Variants in PXDNL observed in about 807,000 individuals in gnomAD.
The protein encoded by PXDNL is peroxidasin like.
A neutral mutation model predicts 150.8 loss-of-function variants in PXDNL; 145 were observed. The observed-to-expected ratio is 0.96, with a 90% CI of 0.84 to 1.10. PXDNL has a LOEUF of 1.10. Ranked by LOEUF, PXDNL falls within the 50% of genes least tolerant of loss-of-function variation. The probability of loss-of-function intolerance (pLI) is 0.00; values close to 1 mark genes in which losing one functional copy is unlikely to be tolerated. For synonymous variants in PXDNL, 757 were observed against 725.7 expected, an observed-to-expected ratio of 1.04 and a Z score of -0.69; for missense variants, 2,087 against 1,873.9, an observed-to-expected ratio of 1.11 and a Z score of -2.10.
At chr8:51,519,338 C>T (rs918561280) in intron 4 of PXDNL, among the ~76,000 whole-genome samples, 2 of 152,112 alleles carry the variant, frequency 1.3e-5, no homozygotes, top group Non-Finnish European at 2.9e-5. Context: ...GTCAGAAGTT[C>T]AAGACCAGCC....
At chr8:51,349,680 T>C (rs1305848550) in intron 19 of PXDNL, among the ~76,000 whole-genome samples, 3 of 152,174 alleles carry the variant, frequency 2.0e-5, no homozygotes, top group Non-Finnish European at 2.9e-5. Context: ...TTGCAGTTCA[T>C]TGGAGTGGAT....
chr8:51,499,467 G>A (rs1811136061), intron 5 of PXDNL, among the ~76,000 whole-genome samples: 1 of 152,136 alleles, frequency 6.6e-6, no homozygotes, highest in Non-Finnish European at 1.5e-5. Flanking sequence ...TCTCTCATTT[G>A]TGAAGTGCTT....
intron 7 of PXDNL, among the ~76,000 whole-genome samples, chr8:51,473,172 A>T (rs527863531): frequency 1.3e-5 from 2 of 152,032 alleles, no homozygotes; most frequent in African/African-American, 4.8e-5. Context: ...AACGTCAGTT[A>T]TGTGCCAGAC....
chr8:51,467,060 A>G (rs777971009), intron 8 of PXDNL, among the ~76,000 whole-genome samples: 13 of 152,152 alleles, frequency 8.5e-5, no homozygotes, highest in Non-Finnish European at 1.6e-4. Flanking sequence ...AGAAAAATAA[A>G]TCCTTCTACC....
intron 4 of PXDNL, among the ~76,000 whole-genome samples, chr8:51,540,227 G>C (rs747321020): frequency 2.0e-5 from 3 of 151,908 alleles, no homozygotes; most frequent in Non-Finnish European, 4.4e-5. Flanking sequence ...TCTCTCTATG[G>C]TTTAACTCTT....
At chr8:51,659,109 T>C (rs556024150) in intron 1 of PXDNL, among the ~76,000 whole-genome samples, 1 of 152,362 alleles carries the variant, frequency 6.6e-6, no homozygotes, top group South Asian at 2.1e-4. Flanking sequence ...ATTGTATTTT[T>C]ACTCCTTACA....
chr8:51,588,376 A>G (rs1315135240), intron 3 of PXDNL, among the ~76,000 whole-genome samples: 1 of 152,206 alleles, frequency 6.6e-6, no homozygotes. Flanking sequence ...TTCACCATGT[A>G]CTGCTTCACA....
intron 1 of PXDNL, among the ~76,000 whole-genome samples, chr8:51,807,960 G>A (rs921160762): frequency 4.6e-5 from 7 of 152,254 alleles, no homozygotes; most frequent in African/African-American, 1.7e-4. Flanking sequence ...AATAAGCAGT[G>A]CTCCCAAGTT....
intron 2 of PXDNL, among the ~76,000 whole-genome samples, chr8:51,650,368 C>T (rs971973622): frequency 6.6e-6 from 1 of 152,110 alleles, no homozygotes; most frequent in East Asian, 1.9e-4. Context: ...CCTATAGCCA[C>T]CCAAAACGTT....
At position 51,409,401 on chromosome 8, in the gene PXDNL, C is replaced by G. The variant is rs1227076791; in HGVS notation, c.2223G>C (p.Thr741=). ...DGTCNNLQQP[T]WGAALTAFAR... ...CGAAGGCGGTCAGCGCCGCGCCCCACGTGGGCTGCTGCAGGTTGTTGCACG... is the reference window on the plus strand; with the variant it reads ...CGAAGGCGGTCAGCGCCGCGCCCCAGGTGGGCTGCTGCAGGTTGTTGCACG... The change falls in exon 17 of 23, where the codon ACG becomes ACC. Residue 741 remains threonine, a synonymous_variant. Coordinates refer to ENST00000356297, the MANE Select transcript of PXDNL (RefSeq NM_144651.5). The G allele has an allele frequency of 4.3e-6, 7 of 1,609,942 alleles. No individual in the cohort carries two copies. Among genetic ancestry groups the G allele is most frequent in the East Asian group, 2.2e-5 (1 of 44,548 alleles).
chr8:51,387,082 C>A (rs1807740162), intron 17 of PXDNL, among the ~76,000 whole-genome samples: 1 of 152,168 alleles, frequency 6.6e-6, no homozygotes, highest in African/African-American at 2.4e-5. Flanking sequence ...CTAAGCTTAT[C>A]CTTCATTCAG....
At chr8:51,426,806 G>A in intron 12 of PXDNL, 48 bp from the exon 13 acceptor site, 2 of 1,088,606 alleles carry the variant, frequency 1.8e-6, no homozygotes, top group East Asian at 5.1e-5. Context: ...TATCATTTTT[G>A]TCAACATATG....
intron 1 of PXDNL, among the ~76,000 whole-genome samples, chr8:51,669,889 A>G (rs990998679): frequency 6.6e-6 from 1 of 152,230 alleles, no homozygotes; most frequent in African/African-American, 2.4e-5. Flanking sequence ...CCATCTTTTC[A>G]TATGTTCACT....
intron 4 of PXDNL, among the ~76,000 whole-genome samples, chr8:51,549,008 A>T (rs1261905842): frequency 1.3e-5 from 2 of 152,224 alleles, no homozygotes; most frequent in East Asian, 3.8e-4. Flanking sequence ...AATGGAAACC[A>T]AAAGCAAGCA....
Position 51,423,558 on chromosome 8 carries a change from G to T in PXDNL, c.1795+17C>A, listed in dbSNP as rs774046787. 1.1e-5 allele frequency: 18 copies of T among 1,609,508 alleles called. No individual in the cohort carries two copies. The South Asian group carries it at 1.9e-4, about 17-fold the overall frequency. On this transcript the variant is annotated intron_variant, in intron 14 of 22. Coordinates refer to ENST00000356297, the MANE Select transcript of PXDNL (RefSeq NM_144651.5). ...GACAGTTATTTGGATGTTGTAAATG[G>T]AGCTATAGACACCTACCCGTGACTG... is the stretch of plus-strand genomic sequence containing the variant.
chr8:51,534,139 C>T (rs1811990340), intron 4 of PXDNL, among the ~76,000 whole-genome samples: 1 of 144,154 alleles, frequency 6.9e-6, no homozygotes, highest in Non-Finnish European at 1.5e-5. Context: ...CCCCGCCGCC[C>T]TGTCTGGGAT....
intron 21 of PXDNL, among the ~76,000 whole-genome samples, chr8:51,332,670 C>T (rs1805724896): frequency 6.6e-6 from 1 of 151,706 alleles, no homozygotes; most frequent in Non-Finnish European, 1.5e-5. Flanking sequence ...ACTTTGGACA[C>T]ACTTTTAGAA....
At position 51,735,531 on chromosome 8, in the gene PXDNL, T is replaced by G. The variant is rs1431762731; in HGVS notation, c.164+73650A>C. Among the ~76,000 whole-genome samples the G allele has an allele frequency of 3.9e-4, 26 of 66,524 alleles. 1 individual carries two copies. The African/African-American group carries it at 4.0e-3, about 10-fold the overall frequency. The allele number at this position is 66,524 out of a possible 152,430, so 43.6% of individuals were successfully genotyped here. On this transcript the variant is annotated intron_variant, in intron 1 of 22. Transcript: ENST00000356297. Reference sequence around the variant, plus strand: ...TAATTAATTAATTAAAAATTGTTTTTTTTTTTTTTTTTTTTTTTTTTTTTT... The same window carrying G: ...TAATTAATTAATTAAAAATTGTTTTGTTTTTTTTTTTTTTTTTTTTTTTTT...
chr8:51,441,000 G>A (rs148164469), intron 12 of PXDNL, among the ~76,000 whole-genome samples: 1 of 152,272 alleles, frequency 6.6e-6, no homozygotes, highest in East Asian at 1.9e-4. Context: ...ATATGGTTTG[G>A]TTCTGTGTCC....
Sources: gnomAD v4.1 joint callset for allele counts (sites outside exome capture counted in the v4.1 genomes callset) on GRCh38, gnomAD v4.1.1 for gene constraint, MANE v1.5 for transcripts, NCBI Gene and HGNC (gene_info 2026-07-23, HGNC 2026-07-21) for gene names.